The following ADIPOR2 variants were observed in gnomAD, a reference collection of about 807,000 sequenced individuals.
ADIPOR2 encodes the protein adiponectin receptor protein 2.
ADIPOR2 carries 18 observed loss-of-function variants against 40.9 expected under a neutral mutation model. The ratio of observed to expected loss-of-function variants is 0.44; its 90% CI spans 0.30 to 0.65. The LOEUF (loss-of-function observed/expected upper bound fraction) is 0.65, where lower values mean the gene tolerates loss of function less well. Among genes scored for constraint, ADIPOR2 ranks in the 30% least tolerant of loss-of-function variants. ADIPOR2 has a pLI of 0.09. For missense variants in ADIPOR2, 283 were observed against 479.2 expected (o/e 0.59, Z 3.82); for synonymous variants, 165 against 166.4 (o/e 0.99, Z 0.06).
intron 1 of ADIPOR2, among the ~76,000 whole-genome samples, chr12:1,707,684 G>C (rs766489828): frequency 4.6e-5 from 7 of 151,988 alleles, no homozygotes; most frequent in Non-Finnish European, 7.4e-5. Context: ...GTGTGCCCAG[G>C]CTGGTCTTTA....
intron 1 of ADIPOR2, 170 bp downstream of exon 1, chr12:1,691,361 G>C (rs1347968569): frequency 6.6e-6 from 1 of 152,418 alleles, no homozygotes; most frequent in Non-Finnish European, 1.5e-5. Context: ...TCCTAACTCT[G>C]ACCTGCCGCC....
At chr12:1,737,345 GT>G (rs35783387) in intron 1 of ADIPOR2, among the ~76,000 whole-genome samples, 1 of 151,468 alleles carries the variant, frequency 6.6e-6, no homozygotes, top group African/African-American at 2.4e-5. Flanking sequence ...TTTTGTTGTT[GT>G]TTTTTTTCTT....
chr12:1,723,030 A>G (rs1420802486), intron 1 of ADIPOR2, among the ~76,000 whole-genome samples: 1 of 152,206 alleles, frequency 6.6e-6, no homozygotes, highest in African/African-American at 2.4e-5. Context: ...TTGTTACACA[A>G]ATATAGAAAT....
At chr12:1,761,619 AGGTT>A (rs1387780364) in intron 2 of ADIPOR2, among the ~76,000 whole-genome samples, 2 of 152,234 alleles carry the variant, frequency 1.3e-5, no homozygotes, top group East Asian at 3.8e-4. Flanking sequence ...AGACCTGCCT[AGGTT>A]AACTTTAGCT....
intron 2 of ADIPOR2, chr12:1,757,905 TG>T: frequency 1.2e-6 from 1 of 835,584 alleles, no homozygotes; most frequent in Non-Finnish European, 2.1e-6. Context: ...TCTCAACTTG[TG>T]GGGACTAGTG....
chr12:1,691,150 C>T lies in ADIPOR2; in HGVS notation c.-128C>T, dbSNP rs2094625941. The T allele has an allele frequency of 6.4e-6, 1 of 156,726 alleles. No homozygotes were observed. The highest frequency in any genetic ancestry group is 6.5e-5 in the Admixed American group (1 of 15,300). 9.7% of individuals were successfully genotyped at this position (156,726 alleles called of 1,614,324 possible). On this transcript the variant is annotated 5_prime_UTR_variant, in exon 1 of 8. Transcript: ENST00000357103. ...CCCTCCTCCGTTCCCCCCTCCTCCC[C>T]CCTCCCCTCAGCGGTGGCTCCCAAG...
intron 1 of ADIPOR2, among the ~76,000 whole-genome samples, chr12:1,728,195 T>C (rs10773985): frequency 0.97 from 147,645 of 151,626 alleles, 72,006 homozygotes; most frequent in East Asian, 1. Flanking sequence ...TCACTGCAAC[T>C]TCCGCCTCCC....
intron 1 of ADIPOR2, among the ~76,000 whole-genome samples, chr12:1,749,862 G>A (rs1316870353): frequency 3.3e-4 from 49 of 146,292 alleles, no homozygotes; most frequent in African/African-American, 1.0e-3. Context: ...TGAGAAATGG[G>A]GTCTCATGCT....
At chr12:1,752,448 T>C (rs1423784695) in intron 1 of ADIPOR2, among the ~76,000 whole-genome samples, 1 of 152,100 alleles carries the variant, frequency 6.6e-6, no homozygotes, top group Non-Finnish European at 1.5e-5. Flanking sequence ...TTCTACTTGC[T>C]ACAGCTTCAG....
intron 2 of ADIPOR2, among the ~76,000 whole-genome samples, chr12:1,769,065 TA>T (rs2154444044): frequency 6.6e-6 from 1 of 152,206 alleles, no homozygotes; most frequent in East Asian, 1.9e-4. Flanking sequence ...TCATTGAATA[TA>T]GATACAATTT....
chr12:1,719,313 G>A (rs890985819), intron 1 of ADIPOR2, among the ~76,000 whole-genome samples: 1 of 152,162 alleles, frequency 6.6e-6, no homozygotes, highest in East Asian at 1.9e-4. Context: ...TTGTTGTAGA[G>A]TATAATGTCC....
intron 2 of ADIPOR2, among the ~76,000 whole-genome samples, chr12:1,771,078 C>T (rs539802395): frequency 2.6e-5 from 4 of 152,200 alleles, no homozygotes; most frequent in African/African-American, 9.7e-5. Context: ...AATCCCAACA[C>T]ACTGGAAGCT....
intron 1 of ADIPOR2, among the ~76,000 whole-genome samples, chr12:1,742,612 A>G (rs1214245773): frequency 6.6e-6 from 1 of 152,226 alleles, no homozygotes; most frequent in African/African-American, 2.4e-5. Context: ...AGTTCCTGAT[A>G]GAGAATGGCA....
intron 1 of ADIPOR2, among the ~76,000 whole-genome samples, chr12:1,744,639 C>G (rs2094751081): frequency 6.6e-6 from 1 of 152,168 alleles, no homozygotes; most frequent in Non-Finnish European, 1.5e-5. Flanking sequence ...ATCTGACCTA[C>G]TTGAAAATTC....
chr12:1,742,082 GTTTT>G (rs1185832357), intron 1 of ADIPOR2, among the ~76,000 whole-genome samples: 1 of 151,658 alleles, frequency 6.6e-6, no homozygotes, highest in Non-Finnish European at 1.5e-5. Context: ...GCCAGGGTCT[GTTTT>G]TTGTCACTTT....
intron 1 of ADIPOR2, among the ~76,000 whole-genome samples, chr12:1,745,364 G>T (rs544762012): frequency 3.9e-4 from 59 of 152,228 alleles, no homozygotes; most frequent in African/African-American, 1.4e-3. Flanking sequence ...CACTGCTTTT[G>T]TCTGTGGCCG....
intron 1 of ADIPOR2, among the ~76,000 whole-genome samples, chr12:1,721,508 G>T (rs1196915632): frequency 6.6e-6 from 1 of 152,106 alleles, no homozygotes; most frequent in African/African-American, 2.4e-5. Context: ...GAGCCACTGT[G>T]CCCAGCCTGC....
chr12:1,734,073 G>A (rs903756090), intron 1 of ADIPOR2, among the ~76,000 whole-genome samples: 11 of 152,186 alleles, frequency 7.2e-5, no homozygotes, highest in African/African-American at 2.6e-4. Context: ...ATAAACATAC[G>A]TTTGCGTGTG....
At chr12:1,695,506 A>T (rs1592565669) in intron 1 of ADIPOR2, among the ~76,000 whole-genome samples, 1 of 151,802 alleles carries the variant, frequency 6.6e-6, no homozygotes, top group South Asian at 2.1e-4. Flanking sequence ...AATATATTAA[A>T]AAAAAAATTA....
Sources: allele counts gnomAD v4.1 joint callset (sites outside exome capture counted in the v4.1 genomes callset), GRCh38; gene constraint gnomAD v4.1.1; transcripts MANE v1.5; gene names NCBI Gene and HGNC (gene_info 2026-07-23, HGNC 2026-07-21).